ACTR2: variants seen among roughly 807,000 people sequenced by gnomAD.
ACTR2 encodes actin related protein 2, also known as actin-related protein 2.
In ACTR2, 5 loss-of-function variants were observed where a neutral mutation model predicts 50.2. That is an observed-to-expected ratio of 0.10 (90% confidence interval 0.05 to 0.21). The LOEUF is 0.21. Ranked by LOEUF, ACTR2 falls within the 10% of genes least tolerant of loss-of-function variation. The pLI, the probability that ACTR2 is intolerant of heterozygous loss-of-function variation, is 1.00. For missense variants in ACTR2, 180 were observed against 480.6 expected, an observed-to-expected ratio of 0.37 and a Z score of 5.85; for synonymous variants, 140 against 162.9, an observed-to-expected ratio of 0.86 and a Z score of 1.07.
intron 8 of ACTR2, among the ~76,000 whole-genome samples, chr2:65,268,321 A>G (rs754243630): frequency 1.7e-4 from 26 of 152,180 alleles, no homozygotes; most frequent in Non-Finnish European, 2.9e-4. Context: ...ATTAATAATG[A>G]TGGGACACCA....
At chr2:65,262,382 A>G (rs1007001357) in intron 7 of ACTR2, among the ~76,000 whole-genome samples, 2 of 147,810 alleles carry the variant, frequency 1.4e-5, no homozygotes, top group East Asian at 2.0e-4. Flanking sequence ...GGCATGTACC[A>G]CCATGCCCAG....
intron 7 of ACTR2, among the ~76,000 whole-genome samples, chr2:65,262,065 T>C (rs182063494): frequency 2.5e-4 from 38 of 152,328 alleles, no homozygotes; most frequent in African/African-American, 9.1e-4. Flanking sequence ...ATTTATTAAT[T>C]GGGTTATTTG....
intron 4 of ACTR2, among the ~76,000 whole-genome samples, chr2:65,251,987 G>T (rs950181727): frequency 1.3e-5 from 2 of 151,734 alleles, no homozygotes; most frequent in African/African-American, 4.8e-5. Flanking sequence ...GTCTGGGCCT[G>T]TCAGATATGT....
chr2:65,242,128 GT>G, intron 2 of ACTR2: 1 of 1,211,230 alleles, frequency 8.3e-7, no homozygotes, highest in Non-Finnish European at 1.2e-6. Context: ...AGTAGTTGTT[GT>G]TTTGTGTCCC....
rs777566327 is a variant in ACTR2, at chr2:65,270,414, C to G, written c.*1680C>G. The G allele has an allele frequency of 6.6e-6, 1 of 152,602 alleles. No homozygotes were observed. 9.5% of individuals were successfully genotyped at this position (152,602 alleles called of 1,614,324 possible). A position where few individuals can be genotyped will look rare whatever the true frequency, so the allele number is the denominator to read the frequency against. On this transcript the variant is annotated 3_prime_UTR_variant, in exon 9 of 9. Transcript: ENST00000260641. ...CAATTTGAACAGATAAGTTTGCCTG[C>G]ATGCTGGACATGCCTCAGAACCCTG... is the stretch of plus-strand genomic sequence containing the variant.
chr2:65,250,672 C>CAAA (rs368589131), intron 3 of ACTR2, among the ~76,000 whole-genome samples: 198 of 83,190 alleles, frequency 2.4e-3, no homozygotes, highest in Middle Eastern at 6.2e-3. Context: ...GACTTCATCT[C>CAAA]AAAAAAAAAA....
At chr2:65,248,765 G>A (rs1374896067) in intron 3 of ACTR2, among the ~76,000 whole-genome samples, 2 of 152,132 alleles carry the variant, frequency 1.3e-5, no homozygotes, top group African/African-American at 4.8e-5. Flanking sequence ...GTGGCTCCCA[G>A]CACTTTGGGA....
At position 65,261,626 on chromosome 2, in the gene ACTR2, TTC is replaced by T. The variant is rs781464037; in HGVS notation, c.881+236_881+237del. ...AATGTTCTTCATGTTTGCTTTTTCA[TTC>T]TGTTTTTTCTGAACCGTTTGAGGGT... On this transcript the variant is annotated intron_variant, in intron 7 of 8. Transcript: ENST00000260641. Among the ~76,000 whole-genome samples, 7 of 152,346 alleles carry T rather than the reference TTC, an allele frequency of 4.6e-5. No homozygotes were observed. In the South Asian group the frequency reaches 1.2e-3, roughly 27 times the overall value.
chr2:65,267,998 G>A (rs62139060), intron 8 of ACTR2, among the ~76,000 whole-genome samples: 32,909 of 149,122 alleles, frequency 0.22, 3,942 homozygotes, highest in Middle Eastern at 0.32. Context: ...TACCATGCCC[G>A]GCTAATTTTT....
At chr2:65,243,321 TG>T (rs1671876577) in intron 2 of ACTR2, among the ~76,000 whole-genome samples, 4 of 151,754 alleles carry the variant, frequency 2.6e-5, no homozygotes, top group African/African-American at 7.3e-5. Flanking sequence ...TAGAGAACAG[TG>T]TAGGCTTATT....
At chr2:65,256,608 A>G (rs1672153414) in intron 6 of ACTR2, among the ~76,000 whole-genome samples, 1 of 152,208 alleles carries the variant, frequency 6.6e-6, no homozygotes, top group Non-Finnish European at 1.5e-5. Context: ...GCGGTGGCTC[A>G]CGCCTGTAAT....
chr2:65,252,654 A>G (rs1259355921), intron 4 of ACTR2, among the ~76,000 whole-genome samples: 1 of 151,774 alleles, frequency 6.6e-6, no homozygotes, highest in Non-Finnish European at 1.5e-5. Flanking sequence ...CAAAAAAAAT[A>G]TGTAAATAAA....
At chr2:65,243,615 C>T (rs2103993812) in intron 2 of ACTR2, among the ~76,000 whole-genome samples, 1 of 152,216 alleles carries the variant, frequency 6.6e-6, no homozygotes, top group East Asian at 1.9e-4. Flanking sequence ...GGTGACAGAG[C>T]AAAACCCTGC....
chr2:65,250,672 CAA>C (rs368589131), intron 3 of ACTR2, among the ~76,000 whole-genome samples: 10 of 84,888 alleles, frequency 1.2e-4, no homozygotes, highest in African/African-American at 4.1e-4. Context: ...GACTTCATCT[CAA>C]AAAAAAAAAA....
rs150422492 is a variant in ACTR2 at position 65,233,697 on chromosome 2, C to T, written c.48+5740C>T. 3.1e-4 allele frequency among the ~76,000 whole-genome samples: 47 copies of T among 151,656 alleles called. No individual in the cohort carries two copies. In the East Asian group the frequency reaches 5.8e-3, roughly 19 times the overall value. ...TGTTATCTCGGCTCACTGCAACCTC[C>T]GCCTCCCAGGTTCAAGTGATTCTTC... On this transcript the variant is annotated intron_variant, in intron 1 of 8. Transcript: ENST00000260641.
At chr2:65,254,855 T>C (rs1375351384) in intron 5 of ACTR2, among the ~76,000 whole-genome samples, 6 of 152,208 alleles carry the variant, frequency 3.9e-5, no homozygotes. Context: ...AGAATTATAA[T>C]ACTCTCATTT....
At chr2:65,234,142 G>A (rs1038594488) in intron 1 of ACTR2, among the ~76,000 whole-genome samples, 1 of 151,700 alleles carries the variant, frequency 6.6e-6, no homozygotes, top group African/African-American at 2.4e-5. Context: ...GAACTCCTGG[G>A]CCCAAGCAAT....
chr2:65,250,996 C>G (rs1271290772), intron 3 of ACTR2, 31 bp from the exon 4 acceptor site: 2 of 1,468,506 alleles, frequency 1.4e-6, no homozygotes, highest in East Asian at 2.3e-5. Context: ...TTTCTAAATA[C>G]CAGTTTTTTT....
At chr2:65,245,484 C>A (rs1000367944) in intron 2 of ACTR2, among the ~76,000 whole-genome samples, 1 of 152,116 alleles carries the variant, frequency 6.6e-6, no homozygotes, top group Non-Finnish European at 1.5e-5. Context: ...CATGCCACTG[C>A]GCTCTAGCCT....
Sources: allele counts gnomAD v4.1 joint callset (sites outside exome capture counted in the v4.1 genomes callset), GRCh38; gene constraint gnomAD v4.1.1; transcripts MANE v1.5; gene names NCBI Gene and HGNC (gene_info 2026-07-23, HGNC 2026-07-21).